The following PROCA1 variants were observed in gnomAD, a reference collection of about 807,000 sequenced individuals.
PROCA1 encodes the protein protein PROCA1.
PROCA1 carries 22 observed loss-of-function variants against 23.2 expected under a neutral mutation model. That is an observed-to-expected ratio of 0.95 (90% confidence interval 0.68 to 1.35). The LOEUF (loss-of-function observed/expected upper bound fraction) is 1.35, where lower values mean the gene tolerates loss of function less well. Ranked by LOEUF, PROCA1 falls within the 40% of genes most tolerant of loss-of-function variation. The probability of loss-of-function intolerance (pLI) is 0.00; values close to 1 mark genes in which losing one functional copy is unlikely to be tolerated. For missense variants in PROCA1, 469 were observed against 459.8 expected (o/e 1.02, Z -0.18); for synonymous variants, 182 against 179.2 (o/e 1.02, Z -0.12).
chr17:28,711,836 C>A lies in PROCA1; in HGVS notation c.-176G>T. On this transcript the variant is annotated 5_prime_UTR_variant, in exon 1 of 5. Transcript: ENST00000682792. ...CCCGCCGGCCTCCCCAGCCCGGCTCCAGGCTGCGTAGTCTTCCCAGCTGGG... is the reference window on the plus strand; with the variant it reads ...CCCGCCGGCCTCCCCAGCCCGGCTCAAGGCTGCGTAGTCTTCCCAGCTGGG... The A allele has an allele frequency of 1.8e-6, 1 of 553,774 alleles. No individual in the cohort carries two copies. Among genetic ancestry groups the A allele is most frequent in the South Asian group, 2.4e-5 (1 of 41,442 alleles). The allele number at this position is 553,774 out of a possible 1,614,324, so 34.3% of individuals were successfully genotyped here. A position where few individuals can be genotyped will look rare whatever the true frequency, so the allele number is the denominator to read the frequency against.
At position 28,704,112 on chromosome 17, in the gene PROCA1, C is replaced by T. The variant is rs1597729175; in HGVS notation, c.541G>A (p.Glu181Lys). 1.3e-6 allele frequency: 2 copies of T among 1,577,184 alleles called. No homozygotes were observed. Among genetic ancestry groups the T allele is most frequent in the Non-Finnish European group, 1.7e-6 (2 of 1,166,856 alleles). The change falls in exon 5 of 5, where the codon GAG (glutamate) becomes AAG (lysine). Residue 181 changes from glutamate (E) to lysine (K), a missense_variant. Transcript: ENST00000682792. ...DLNEEEEEEEEESKPPIPTQV... is the reference protein window; with the variant it reads ...DLNEEEEEEEKESKPPIPTQV... The stretch of plus-strand genomic sequence containing the variant: ...GTCGGGATGGGGGGCTTGCTTTCCT[C>T]CTCCTCCTCTTCCTCTTCTTCATTT...
At chr17:28,710,952 C>G (rs1243614638) in intron 1 of PROCA1, 3 of 1,038,122 alleles carry the variant, frequency 2.9e-6, no homozygotes, top group Non-Finnish European at 3.7e-6. Context: ...TGGGGGTGGG[C>G]ACCAGAGCAG....
chr17:28,710,463 C>T (rs1012484905), intron 1 of PROCA1, among the ~76,000 whole-genome samples: 1 of 148,584 alleles, frequency 6.7e-6, no homozygotes, highest in African/African-American at 2.5e-5. Context: ...GCCGATATTG[C>T]GCCACTGCAC....
At chr17:28,705,190 G>A in intron 2 of PROCA1, 1 of 245,598 alleles carries the variant, frequency 4.1e-6, no homozygotes, top group Middle Eastern at 1.4e-3. Flanking sequence ...GCGCCTGGTA[G>A]GAGAAGGCCC....
chr17:28,707,497 A>T (rs986758114), intron 1 of PROCA1: 1 of 151,658 alleles, frequency 6.6e-6, no homozygotes, highest in Non-Finnish European at 1.5e-5. Flanking sequence ...CTTCCTGGAA[A>T]CTCCTGCAAC....
intron 1 of PROCA1, among the ~76,000 whole-genome samples, chr17:28,708,466 A>G (rs959911349): frequency 6.6e-6 from 1 of 152,064 alleles, no homozygotes; most frequent in Non-Finnish European, 1.5e-5. Context: ...TAAATTGGTG[A>G]TTACAAGAGT....
rs1261357066 is a variant in PROCA1, at chr17:28,704,848, G to T, written c.176-5C>A. On this transcript the variant is annotated splice_region_variant and splice_polypyrimidine_tract_variant and intron_variant, in intron 2 of 4. Transcript: ENST00000682792. ...TGTCAGGCTCCTTGCAGTCACCTGA[G>T]GGGGCAGGAGTCTGGGTCATCAGTA... 1.2e-6 allele frequency: 2 copies of T among 1,611,720 alleles called. No homozygotes were observed. The highest frequency in any genetic ancestry group is 1.7e-6 in the Non-Finnish European group (2 of 1,179,648).
At chr17:28,704,502 A>G in intron 3 of PROCA1, 67 bp from the exon 4 acceptor site, 5 of 1,573,930 alleles carry the variant, frequency 3.2e-6, no homozygotes, top group Non-Finnish European at 4.3e-6. Flanking sequence ...CAGAAGCCTG[A>G]GGGACAGTGG....
Position 28,704,165 on chromosome 17 carries a change from A to AGT in PROCA1, c.486_487dup (p.Leu163HisfsTer11). Reference sequence around the variant, plus strand: ...ATCATCTGCCCCACACTCATGGTAGAGTGGATGGTGGATCACTGCCACAGA... The same window carrying AGT: ...ATCATCTGCCCCACACTCATGGTAGAGTGTGGATGGTGGATCACTGCCACAGA... On this transcript the variant is annotated frameshift_variant, in exon 5 of 5. Transcript: ENST00000682792. LOFTEE classifies it low-confidence loss of function (END_TRUNC). 6.5e-7 allele frequency: 1 copy of AGT among 1,543,570 alleles called. No homozygotes were observed. Among genetic ancestry groups the AGT allele is most frequent in the South Asian group, 1.3e-5 (1 of 79,440 alleles).
intron 1 of PROCA1, among the ~76,000 whole-genome samples, chr17:28,708,804 T>C (rs1340018087): frequency 1.3e-5 from 2 of 150,836 alleles, no homozygotes. Context: ...GAGACCAGCC[T>C]GGGCAACATG....
intron 2 of PROCA1, chr17:28,705,074 T>A (rs1228965936): frequency 2.1e-6 from 1 of 474,246 alleles, no homozygotes; most frequent in East Asian, 3.8e-5. Context: ...TGCAGTCCTG[T>A]GATTCCCTGT....
chr17:28,706,918 G>GT (rs1174875562), intron 1 of PROCA1, 155 bp from the exon 2 acceptor site: 2 of 116,152 alleles, frequency 1.7e-5, no homozygotes, highest in Non-Finnish European at 3.5e-5. Context: ...GGGTTGCGGG[G>GT]GGGGGGGGGG....
rs533056293 is a variant in PROCA1, at chr17:28,703,782, T to C, written c.871A>G (p.Arg291Gly). The change falls in exon 5 of 5, where the codon AGG (arginine) becomes GGG (glycine). Residue 291 changes from arginine (R) to glycine (G), a missense_variant. Physicochemically the swap from Arg to Gly is moderately radical, Grantham distance 125 (BLOSUM62 -2). Coordinates refer to ENST00000682792, the MANE Select transcript of PROCA1 (RefSeq NM_001366301.1). ...CTTTCTGGGCTGGACTCGGACATCC[T>C]GGCCAGCTGTCTTGCGCTTAATGAT... ...SRSLSARQLA[R>G]MSESSPESRE... 11 of 1,614,198 alleles carry C rather than the reference T, an allele frequency of 6.8e-6. No individual in the cohort carries two copies. The highest frequency in any genetic ancestry group is 9.3e-6 in the Non-Finnish European group (11 of 1,180,042).
chr17:28,709,941 G>A (rs902380019), intron 1 of PROCA1, among the ~76,000 whole-genome samples: 2 of 152,092 alleles, frequency 1.3e-5, no homozygotes, highest in African/African-American at 4.8e-5. Context: ...AGGTTGCAGT[G>A]AGCCGATATC....
chr17:28,704,283 A>G, intron 4 of PROCA1, 24 bp downstream of exon 4: 1 of 1,599,808 alleles, frequency 6.3e-7, no homozygotes, highest in Non-Finnish European at 8.5e-7. Context: ...CCCCTTCCCC[A>G]TCAGCCCACC....
chr17:28,703,992 C>CA lies in PROCA1; in HGVS notation c.660dup (p.Glu221Ter). The CA allele has an allele frequency of 1.9e-6, 3 of 1,610,606 alleles. No homozygotes were observed. The highest frequency in any genetic ancestry group is 2.5e-6 in the Non-Finnish European group (3 of 1,178,518). On this transcript the variant is annotated frameshift_variant, in exon 5 of 5. Coordinates refer to ENST00000682792, the MANE Select transcript of PROCA1 (RefSeq NM_001366301.1). LOFTEE classifies it high-confidence loss of function. ...CCCTGACCCTTCCCTGTGGGGCTCT[C>CA]AGAGCGCCAGATGGTGATGGGCGCT...
chr17:28,704,908 A>G (rs2151680494), intron 2 of PROCA1, 65 bp from the exon 3 acceptor site: 1 of 1,510,388 alleles, frequency 6.6e-7, no homozygotes, highest in East Asian at 2.3e-5. Flanking sequence ...CCACAGCTCA[A>G]GCTAAAACCT....
intron 1 of PROCA1, 52 bp downstream of exon 1, chr17:28,711,518 G>T (rs541338950): frequency 2.7e-6 from 4 of 1,479,142 alleles, no homozygotes; most frequent in Middle Eastern, 1.8e-4. Flanking sequence ...GCCGCTCGGG[G>T]TCTGCGAGCC....
chr17:28,703,568 T>C lies in PROCA1; in HGVS notation c.1085A>G (p.Asn362Ser). Residue 362 changes from asparagine (N) to serine (S), a missense_variant, in exon 5 of 5, where the codon AAC (asparagine) becomes AGC (serine). Physicochemically the swap from Asn to Ser is conservative, Grantham distance 46 (BLOSUM62 1). Coordinates refer to ENST00000682792, the MANE Select transcript of PROCA1 (RefSeq NM_001366301.1). ...KRKSPPGSNP[N>S]LS ...CTGACCACCCTGGCCTCAACTGAGG[T>C]TGGGGTTTGATCCTGGGGGAGATTT... 1 of 1,613,416 alleles carries C rather than the reference T, an allele frequency of 6.2e-7. No individual in the cohort carries two copies. Among genetic ancestry groups the C allele is most frequent in the Non-Finnish European group, 8.5e-7 (1 of 1,179,604 alleles).
Sources: gnomAD v4.1 joint callset for allele counts (sites outside exome capture counted in the v4.1 genomes callset) on GRCh38, gnomAD v4.1.1 for gene constraint, MANE v1.5 for transcripts, NCBI Gene and HGNC (gene_info 2026-07-23, HGNC 2026-07-21) for gene names.